PXDNL: variants seen among roughly 807,000 people sequenced by gnomAD.
PXDNL encodes the protein probable oxidoreductase PXDNL.
A neutral mutation model predicts 150.8 loss-of-function variants in PXDNL; 145 were observed. The observed-to-expected ratio is 0.96, with a 90% CI of 0.84 to 1.10. The LOEUF (loss-of-function observed/expected upper bound fraction) is 1.10. PXDNL is among the 50% of genes least tolerant of loss of function. PXDNL has a pLI of 0.00. For synonymous variants in PXDNL, 757 were observed against 725.7 expected (o/e 1.04, Z -0.69); for missense variants, 2,087 against 1,873.9 (o/e 1.11, Z -2.10).
At chr8:51,326,817 T>C (rs76778408) in intron 21 of PXDNL, among the ~76,000 whole-genome samples, 4,780 of 152,126 alleles carry the variant, frequency 0.031, 235 homozygotes, top group African/African-American at 0.11. Flanking sequence ...AATTCAAATC[T>C]TGAGGTCCTA....
At position 51,644,794 on chromosome 8, in the gene PXDNL, G is replaced by A. The variant is rs150234821; in HGVS notation, c.236+9895C>T. 2.6e-5 allele frequency among the ~76,000 whole-genome samples: 4 copies of A among 152,054 alleles called. No homozygotes were observed. In the East Asian group the frequency reaches 7.8e-4, roughly 30 times the overall value. ...TTTAAAAAAATAAAAGCCTATAGTA[G>A]CAGCAGCAGCGTGAAGGGGGCTGAG... On this transcript the variant is annotated intron_variant, in intron 2 of 22. Coordinates refer to ENST00000356297, the MANE Select transcript of PXDNL (RefSeq NM_144651.5).
At chr8:51,557,047 G>A in intron 3 of PXDNL, 136 bp from the exon 4 acceptor site, 1 of 593,982 alleles carries the variant, frequency 1.7e-6, no homozygotes, top group South Asian at 2.2e-5. Flanking sequence ...ACAATATATA[G>A]AAACTGTTAT....
chr8:51,664,949 C>G (rs1815350594), intron 1 of PXDNL, among the ~76,000 whole-genome samples: 1 of 152,182 alleles, frequency 6.6e-6, no homozygotes, highest in South Asian at 2.1e-4. Flanking sequence ...CCTTTCTTCT[C>G]TCCTTCCTAC....
chr8:51,503,874 A>G (rs1403713822), intron 4 of PXDNL, among the ~76,000 whole-genome samples: 4 of 152,170 alleles, frequency 2.6e-5, no homozygotes, highest in Admixed American at 1.3e-4. Context: ...ACCTAAATTC[A>G]TGCACCCAAT....
At chr8:51,378,606 A>C (rs1807428338) in intron 17 of PXDNL, among the ~76,000 whole-genome samples, 2 of 152,222 alleles carry the variant, frequency 1.3e-5, no homozygotes. Flanking sequence ...TGCGCTTTGC[A>C]ATAAATCTTG....
intron 4 of PXDNL, among the ~76,000 whole-genome samples, chr8:51,523,332 C>G (rs1585547597): frequency 1.3e-5 from 2 of 152,274 alleles, no homozygotes; most frequent in South Asian, 4.1e-4. Flanking sequence ...CAGCTGTAAA[C>G]TACATTTGGA....
Position 51,320,822 on chromosome 8 carries a change from G to T in PXDNL, c.4222C>A (p.Arg1408Ser). 1 of 1,613,816 alleles carries T rather than the reference G, an allele frequency of 6.2e-7. No homozygotes were observed. The highest frequency in any genetic ancestry group is 1.1e-5 in the South Asian group (1 of 91,070). ...TGAGTGCAGTCTTCTTTCATCCAGC[G>T]CTCCTCGGCCTTCCTTGGAACCCCT... Reference protein sequence around the residue: ...VRGVPRKAEERWMKEDCTHCI... With the variant: ...VRGVPRKAEESWMKEDCTHCI... The change falls in exon 22 of 23, where the codon CGC becomes AGC. Residue 1408 changes from arginine (R) to serine (S), a missense_variant. By Grantham distance (110) the Arg-to-Ser change is moderately radical. Transcript: ENST00000356297.
intron 19 of PXDNL, 141 bp from the exon 20 acceptor site, chr8:51,346,088 G>C (rs145857441): frequency 5.4e-6 from 3 of 555,462 alleles, no homozygotes; most frequent in Non-Finnish European, 9.6e-6. Flanking sequence ...GACTCATTTA[G>C]TCCGTTCCAT....
At chr8:51,803,219 G>A (rs2037639504) in intron 1 of PXDNL, among the ~76,000 whole-genome samples, 1 of 152,146 alleles carries the variant, frequency 6.6e-6, no homozygotes, top group Non-Finnish European at 1.5e-5. Flanking sequence ...TCTGTGTCCT[G>A]ACTGTTGATC....
At chr8:51,455,115 CAA>C (rs536468204) in intron 9 of PXDNL, among the ~76,000 whole-genome samples, 1 of 15,860 alleles carries the variant, frequency 6.3e-5, no homozygotes, top group African/African-American at 2.3e-4. Flanking sequence ...GACTCCGTCT[CAA>C]AAAAAAAAAA....
chr8:51,496,364 G>T (rs1263032817), intron 5 of PXDNL, among the ~76,000 whole-genome samples: 4 of 152,056 alleles, frequency 2.6e-5, no homozygotes, highest in Admixed American at 1.3e-4. Context: ...CTTTGAAAAT[G>T]GGCACAAGAC....
intron 2 of PXDNL, among the ~76,000 whole-genome samples, chr8:51,628,399 C>A (rs137860195): frequency 1.4e-5 from 1 of 69,748 alleles, no homozygotes; most frequent in East Asian, 5.7e-4. Context: ...CTTTTCTTTT[C>A]TTTTTTTTTT....
At chr8:51,760,363 A>G (rs2037148442) in intron 1 of PXDNL, among the ~76,000 whole-genome samples, 1 of 151,966 alleles carries the variant, frequency 6.6e-6, no homozygotes, top group African/African-American at 2.4e-5. Context: ...GCTTAATTAA[A>G]AAAAAAAAAG....
intron 3 of PXDNL, among the ~76,000 whole-genome samples, chr8:51,583,632 G>A (rs1298633723): frequency 6.6e-6 from 1 of 152,068 alleles, no homozygotes. Flanking sequence ...GATTTTATGA[G>A]GACAGAGCCA....
chr8:51,418,242 C>A (rs1018896540), intron 14 of PXDNL, among the ~76,000 whole-genome samples: 1 of 151,870 alleles, frequency 6.6e-6, no homozygotes, highest in Non-Finnish European at 1.5e-5. Flanking sequence ...TAAAGTTTGA[C>A]AAAAATAAAA....
At chr8:51,578,951 C>T (rs947591931) in intron 3 of PXDNL, among the ~76,000 whole-genome samples, 1 of 151,958 alleles carries the variant, frequency 6.6e-6, no homozygotes, top group African/African-American at 2.4e-5. Flanking sequence ...TTTACAAAAA[C>T]TAACTCTATG....
At chr8:51,464,167 C>G (rs1016852817) in intron 8 of PXDNL, among the ~76,000 whole-genome samples, 1 of 152,040 alleles carries the variant, frequency 6.6e-6, no homozygotes, top group African/African-American at 2.4e-5. Flanking sequence ...AGTTTGAGAC[C>G]AGCCTAGGCA....
At chr8:51,407,670 C>A (rs1808475050) in intron 17 of PXDNL, among the ~76,000 whole-genome samples, 1 of 152,196 alleles carries the variant, frequency 6.6e-6, no homozygotes, top group Non-Finnish European at 1.5e-5. Context: ...TTTATTATCA[C>A]TACTTTTCTC....
At chr8:51,380,541 C>T (rs868619591) in intron 17 of PXDNL, among the ~76,000 whole-genome samples, 4 of 152,188 alleles carry the variant, frequency 2.6e-5, no homozygotes, top group Middle Eastern at 3.4e-3. Context: ...ACTTCTTTAC[C>T]TTTTCTTCTC....
Sources: gnomAD v4.1 joint callset for allele counts (sites outside exome capture counted in the v4.1 genomes callset) on GRCh38, gnomAD v4.1.1 for gene constraint, MANE v1.5 for transcripts, NCBI Gene and HGNC (gene_info 2026-07-23, HGNC 2026-07-21) for gene names.